Variants in THADA observed in about 807,000 individuals in gnomAD.
The protein encoded by THADA is THADA armadillo repeat containing, also known as tRNA (32-2'-O)-methyltransferase regulator THADA.
A neutral mutation model predicts 219.8 loss-of-function variants in THADA; 213 were observed. The ratio of observed to expected loss-of-function variants is 0.97; its 90% CI spans 0.87 to 1.09. THADA has a LOEUF of 1.09. Among genes scored for constraint, THADA ranks in the 50% least tolerant of loss-of-function variants. The pLI is 0.00. For missense variants in THADA, 2,956 were observed against 2,311.3 expected, an observed-to-expected ratio of 1.28 and a Z score of -5.72; for synonymous variants, 1,018 against 828.9, an observed-to-expected ratio of 1.23 and a Z score of -3.92.
Position 43,279,765 on chromosome 2 carries a change from C to T in THADA, c.5296G>A (p.Glu1766Lys), listed in dbSNP as rs1375470304. The T allele has an allele frequency of 1.9e-6, 3 of 1,547,872 alleles. No individual in the cohort carries two copies. The highest frequency in any genetic ancestry group is 1.4e-5 in the African/African-American group (1 of 72,836). Reference sequence around the variant, plus strand: ...ATGCAAAAGGATAAGAACGAGGTACCTGTTGACTGGCAGGTATTTTCTTGT... The same window carrying T: ...ATGCAAAAGGATAAGAACGAGGTACTTGTTGACTGGCAGGTATTTTCTTGT... ...MSQENTCQST[E>K]FAFCQVDASI... Residue 1766 changes from glutamate to lysine, a missense_variant and splice_region_variant, in exon 36 of 38, where the codon GAG becomes AAG. Physicochemically the swap from Glu to Lys is moderately conservative, Grantham distance 56 (BLOSUM62 1). Transcript: ENST00000405975.
intron 26 of THADA, among the ~76,000 whole-genome samples, chr2:43,447,914 T>C (rs995309663): frequency 6.6e-6 from 1 of 152,080 alleles, no homozygotes; most frequent in Non-Finnish European, 1.5e-5. Flanking sequence ...TCTGTTTTTA[T>C]ATATATATAT....
intron 26 of THADA, among the ~76,000 whole-genome samples, chr2:43,479,780 C>A (rs1244574259): frequency 6.6e-6 from 1 of 152,224 alleles, no homozygotes; most frequent in African/African-American, 2.4e-5. Flanking sequence ...TCCTCCCTCA[C>A]CTCTGTCTAC....
chr2:43,584,037 T>TAAAAAAAAAAAAA (rs536050936), intron 7 of THADA, among the ~76,000 whole-genome samples: 1 of 65,582 alleles, frequency 1.5e-5, no homozygotes, highest in Admixed American at 1.9e-4. Context: ...TTGTCTCAAT[T>TAAAAAAAAAAAAA]AAAAAAAAAA....
chr2:43,544,516 G>C (rs1055953152), intron 20 of THADA, among the ~76,000 whole-genome samples: 1 of 152,150 alleles, frequency 6.6e-6, no homozygotes, highest in Admixed American at 6.5e-5. Context: ...AGCATGGAAT[G>C]TTCTTCCATT....
At chr2:43,357,186 C>G (rs2104576623) in intron 29 of THADA, among the ~76,000 whole-genome samples, 1 of 152,166 alleles carries the variant, frequency 6.6e-6, no homozygotes, top group African/African-American at 2.4e-5. Context: ...ATAAATGTAT[C>G]AGAAAATGTT....
chr2:43,558,961 T>C (rs1052570446), intron 16 of THADA, among the ~76,000 whole-genome samples: 6 of 152,154 alleles, frequency 3.9e-5, no homozygotes, highest in Non-Finnish European at 8.8e-5. Context: ...CACGGGTTTA[T>C]CAAATTTAGA....
chr2:43,272,310 G>C (rs891275891), intron 36 of THADA, among the ~76,000 whole-genome samples: 2 of 152,170 alleles, frequency 1.3e-5, no homozygotes, highest in African/African-American at 4.8e-5. Flanking sequence ...AGAGAGTTCT[G>C]AGCAGAAGAG....
In THADA at chr2:43,464,329, A is replaced by G. The variant is rs557805816; in HGVS notation, c.3836+20905T>C. On this transcript the variant is annotated intron_variant, in intron 26 of 37. Transcript: ENST00000405975. ...ATAAAACAAGTAACTTAAAAAAAAA[A>G]GTAACAAAAAAGAAGTAGAAGGAAA... Among the ~76,000 whole-genome samples, 179 of 152,220 alleles carry G rather than the reference A, an allele frequency of 1.2e-3. 1 individual carries two copies. Among genetic ancestry groups the G allele is most frequent in the African/African-American group, 4.1e-3 (171 of 41,526 alleles).
intron 24 of THADA, among the ~76,000 whole-genome samples, chr2:43,503,981 G>C (rs1317510930): frequency 6.6e-6 from 1 of 151,996 alleles, no homozygotes; most frequent in Non-Finnish European, 1.5e-5. Flanking sequence ...GCACGGACAT[G>C]ACATTCTAAG....
intron 35 of THADA, among the ~76,000 whole-genome samples, chr2:43,285,339 T>A (rs1673863694): frequency 1.3e-5 from 2 of 152,196 alleles, no homozygotes; most frequent in Admixed American, 6.5e-5. Context: ...CTTGCTATTC[T>A]CATGACAGTG....
chr2:43,552,583 A>T (rs1696874042), intron 17 of THADA, among the ~76,000 whole-genome samples: 1 of 152,060 alleles, frequency 6.6e-6, no homozygotes, highest in Non-Finnish European at 1.5e-5. Flanking sequence ...CCTCCTAAAC[A>T]TCCTCTCACT....
At chr2:43,589,170 C>T in intron 4 of THADA, among the ~76,000 whole-genome samples, 1 of 152,106 alleles carries the variant, frequency 6.6e-6, no homozygotes, top group Non-Finnish European at 1.5e-5. Flanking sequence ...GATATTTGCA[C>T]ACCCATGTTC....
intron 8 of THADA, among the ~76,000 whole-genome samples, chr2:43,581,537 C>T (rs1361340642): frequency 1.6e-5 from 2 of 124,742 alleles, no homozygotes; most frequent in South Asian, 2.6e-4. Context: ...CAGTGAGATT[C>T]GGTCTCAAAA....
chr2:43,454,789 AT>A (rs1040805013), intron 26 of THADA, among the ~76,000 whole-genome samples: 1 of 152,172 alleles, frequency 6.6e-6, no homozygotes, highest in Non-Finnish European at 1.5e-5. Context: ...AGTACACTCT[AT>A]TTTAGCTCCA....
intron 4 of THADA, among the ~76,000 whole-genome samples, chr2:43,587,290 A>G (rs1444430463): frequency 6.6e-6 from 1 of 152,072 alleles, no homozygotes; most frequent in Non-Finnish European, 1.5e-5. Context: ...CTCCAACAAT[A>G]TCCTTCTCGG....
intron 22 of THADA, among the ~76,000 whole-genome samples, chr2:43,515,969 A>C (rs1175610892): frequency 6.6e-6 from 1 of 152,104 alleles, no homozygotes; most frequent in Non-Finnish European, 1.5e-5. Flanking sequence ...TGCCCATCCT[A>C]ATAAAAGAAT....
chr2:43,449,957 T>A (rs1218212988), intron 26 of THADA, among the ~76,000 whole-genome samples: 2 of 152,014 alleles, frequency 1.3e-5, no homozygotes, highest in Non-Finnish European at 2.9e-5. Flanking sequence ...AGGGAGAAAA[T>A]AAGACATTCC....
intron 18 of THADA, 112 bp from the exon 19 acceptor site, chr2:43,552,037 CAT>C (rs1166305606): frequency 3.3e-5 from 51 of 1,543,272 alleles, no homozygotes; most frequent in African/African-American, 2.5e-4. Context: ...ATACATAAAA[CAT>C]GTGAGACATA....
chr2:43,373,407 T>C (rs188240785), intron 29 of THADA, among the ~76,000 whole-genome samples: 4 of 152,266 alleles, frequency 2.6e-5, no homozygotes, highest in Admixed American at 2.6e-4. Context: ...CTGTCTAAAA[T>C]AATTTGTGTT....
Sources: gnomAD v4.1 joint callset for allele counts (sites outside exome capture counted in the v4.1 genomes callset) on GRCh38, gnomAD v4.1.1 for gene constraint, MANE v1.5 for transcripts, NCBI Gene and HGNC (gene_info 2026-07-23, HGNC 2026-07-21) for gene names.